Variants in CHAT observed in about 807,000 individuals in gnomAD.
The protein encoded by CHAT is acetyl CoA:choline O-acetyltransferase.
In CHAT, 61 loss-of-function variants were observed where a neutral mutation model predicts 76.9. The observed-to-expected ratio is 0.79, with a 90% CI of 0.65 to 0.98. The LOEUF is 0.98. Ranked by LOEUF, CHAT falls within the 50% of genes least tolerant of loss-of-function variation. The pLI, the probability that CHAT is intolerant of heterozygous loss-of-function variation, is 0.00. For missense variants in CHAT, 946 were observed against 986.9 expected (o/e 0.96, Z 0.56); for synonymous variants, 407 against 397.4 (o/e 1.02, Z -0.29).
chr10:49,615,740 G>A (rs1303927215), intron 1 of CHAT: 3 of 481,736 alleles, frequency 6.2e-6, no homozygotes, highest in Non-Finnish European at 1.1e-5. Flanking sequence ...CACTTCTACT[G>A]TACCTTCAAA....
chr10:49,618,684 C>A (rs539973961), intron 2 of CHAT, among the ~76,000 whole-genome samples: 1 of 152,178 alleles, frequency 6.6e-6, no homozygotes, highest in Non-Finnish European at 1.5e-5. Flanking sequence ...CACACAGAAG[C>A]CTTCTGTGGT....
upstream of CHAT, chr10:49,613,971 T>A: frequency 2.5e-6 from 2 of 796,912 alleles, no homozygotes; most frequent in Non-Finnish European, 4.0e-6. Context: ...GACCCAACCC[T>A]CTCCAGGATT....
At chr10:49,628,420 C>T (rs2377877) in intron 7 of CHAT, among the ~76,000 whole-genome samples, 122,890 of 152,162 alleles carry the variant, frequency 0.81, 51,919 homozygotes, top group Non-Finnish European at 0.94. Context: ...GGATGAGAAG[C>T]AAGACTTCTG....
At chr10:49,616,704 G>A (rs1838510490) in intron 2 of CHAT, 102 bp downstream of exon 2, 1 of 845,136 alleles carries the variant, frequency 1.2e-6, no homozygotes, top group Non-Finnish European at 2.0e-6. Flanking sequence ...CATTTGCCTG[G>A]CCCCAGCCCT....
intron 10 of CHAT, 36 bp from the exon 11 acceptor site, chr10:49,651,848 C>T (rs1032528000): frequency 1.2e-6 from 2 of 1,600,352 alleles, no homozygotes; most frequent in African/African-American, 2.7e-5. Context: ...TACTGTTTTG[C>T]ATGCAATAAA....
intron 7 of CHAT, among the ~76,000 whole-genome samples, chr10:49,637,212 G>T (rs1839324346): frequency 6.6e-6 from 1 of 151,410 alleles, no homozygotes. Flanking sequence ...AGGTTCTTCA[G>T]GTAAGAAATT....
chr10:49,620,076 T>C (rs1463960474), intron 3 of CHAT, among the ~76,000 whole-genome samples, 160 bp downstream of exon 3: 1 of 150,258 alleles, frequency 6.7e-6, no homozygotes, highest in Non-Finnish European at 1.5e-5. Flanking sequence ...GTGGCATGGA[T>C]TGGAGGACAG....
upstream of CHAT, chr10:49,613,913 C>A: frequency 1.8e-6 from 1 of 568,390 alleles, no homozygotes; most frequent in Middle Eastern, 4.8e-4. Flanking sequence ...GGGTTTGAGA[C>A]TGGCCTGGAT....
chr10:49,635,344 C>T (rs1158349210), intron 7 of CHAT, among the ~76,000 whole-genome samples: 4 of 152,256 alleles, frequency 2.6e-5, no homozygotes, highest in African/African-American at 9.6e-5. Context: ...CATCAAAGGA[C>T]ATCCGGGTTG....
At chr10:49,609,579 T>TA (rs1406192206), upstream of CHAT, among the ~76,000 whole-genome samples, 1 of 151,898 alleles carries the variant, frequency 6.6e-6, no homozygotes, top group Non-Finnish European at 1.5e-5. Flanking sequence ...GCGGCCAGGC[T>TA]AATATTCGCG....
chr10:49,640,529 C>A (rs759357324), intron 7 of CHAT, among the ~76,000 whole-genome samples: 6 of 151,490 alleles, frequency 4.0e-5, no homozygotes, highest in Non-Finnish European at 5.9e-5. Flanking sequence ...GCTCCCTACA[C>A]GGTCTCTATT....
At chr10:49,636,502 T>C (rs1401732507) in intron 7 of CHAT, among the ~76,000 whole-genome samples, 1 of 152,202 alleles carries the variant, frequency 6.6e-6, no homozygotes, top group African/African-American at 2.4e-5. Context: ...ACTGTATTTA[T>C]CTTCTTTTGG....
chr10:49,623,539 TG>T (rs1838804941), intron 5 of CHAT, among the ~76,000 whole-genome samples: 1 of 152,208 alleles, frequency 6.6e-6, no homozygotes, highest in African/African-American at 2.4e-5. Context: ...CTTAGACTAT[TG>T]GGCAAGACAG....
intron 2 of CHAT, among the ~76,000 whole-genome samples, chr10:49,618,770 C>T (rs1392990686): frequency 6.6e-6 from 1 of 152,170 alleles, no homozygotes; most frequent in Non-Finnish European, 1.5e-5. Flanking sequence ...AGACTCTAGC[C>T]ACACTTTGGG....
chr10:49,665,548 C>T lies in CHAT; in HGVS notation c.*502C>T, dbSNP rs1172549505. Among the ~76,000 whole-genome samples, 4 of 152,234 alleles carry T rather than the reference C, an allele frequency of 2.6e-5. No homozygotes were observed. Among genetic ancestry groups the T allele is most frequent in the South Asian group, 4.1e-4 (2 of 4,820 alleles). The stretch of plus-strand genomic sequence containing the variant: ...GTTTTGAGATTCAGAGCATTCTTAT[C>T]GTGGCATTCCCAGTGTCTCCACTGA... On this transcript the variant is annotated 3_prime_UTR_variant, in exon 15 of 15. Transcript: ENST00000337653.
At position 49,650,487 on chromosome 10, in the gene CHAT, T is replaced by G. The variant is rs147533662; in HGVS notation, c.1511+851T>G. On this transcript the variant is annotated intron_variant, in intron 10 of 14. Transcript: ENST00000337653. The stretch of plus-strand genomic sequence containing the variant: ...TTGAAGGATGGATAGGAGTTCATGG[T>G]GCAAGCAGATGGGGAAGAGGCAGAA... Among the ~76,000 whole-genome samples the G allele has an allele frequency of 5.8e-4, 88 of 152,192 alleles. 1 individual carries two copies. The East Asian group carries it at 0.015, about 27-fold the overall frequency.
At position 49,666,231 on chromosome 10, in the gene CHAT, C is replaced by CCCAGCCCCAGCCCCAGCT. The variant is rs1840336616; in HGVS notation, c.*1191_*1208dup. 6.6e-6 allele frequency among the ~76,000 whole-genome samples: 1 copy of CCCAGCCCCAGCCCCAGCT among 151,854 alleles called. No homozygotes were observed. Among genetic ancestry groups the CCCAGCCCCAGCCCCAGCT allele is most frequent in the African/African-American group, 2.4e-5 (1 of 41,304 alleles). On this transcript the variant is annotated 3_prime_UTR_variant, in exon 15 of 15. Coordinates refer to ENST00000337653, the MANE Select transcript of CHAT (RefSeq NM_020549.5). The stretch of plus-strand genomic sequence containing the variant: ...GGGCACAGCCTCCTCCAGAGTCAGC[C>CCCAGCCCCAGCCCCAGCT]CCAGCCCCAGCCCCAGCTCCAGCTC...
rs776977900 is a variant in CHAT, at chr10:49,662,759, C to G, written c.1954C>G (p.Arg652Gly). 1.9e-6 allele frequency: 3 copies of G among 1,614,196 alleles called. No homozygotes were observed. Among genetic ancestry groups the G allele is most frequent in the Admixed American group, 1.7e-5 (1 of 60,024 alleles). Reference sequence around the variant, plus strand: ...GGATGAAACCTACCTGATGAGCAACCGGTTTGTCCTCTCCACTAGCCAGGT... The same window carrying G: ...GGATGAAACCTACCTGATGAGCAACGGGTTTGTCCTCTCCACTAGCCAGGT... Reference protein sequence around the residue: ...FMDETYLMSNRFVLSTSQVPT... With the variant: ...FMDETYLMSNGFVLSTSQVPT... Residue 652 changes from arginine to glycine, a missense_variant, in exon 14 of 15, where the codon CGG becomes GGG. Physicochemically the swap from Arg to Gly is moderately radical, Grantham distance 125. This residue lies in a region of CHAT where 349 missense variants were observed against 393.9 expected (regional missense o/e 0.89). Coordinates refer to ENST00000337653, the MANE Select transcript of CHAT (RefSeq NM_020549.5).
chr10:49,620,804 A>G (rs1838679001), intron 4 of CHAT, among the ~76,000 whole-genome samples, 191 bp downstream of exon 4: 1 of 152,234 alleles, frequency 6.6e-6, no homozygotes. Flanking sequence ...TCGAGTGACA[A>G]TCACACAATT....
Sources: allele counts gnomAD v4.1 joint callset (sites outside exome capture counted in the v4.1 genomes callset), GRCh38; gene constraint gnomAD v4.1.1; regional missense constraint gnomAD v4.1.1; transcripts MANE v1.5; gene names NCBI Gene and HGNC (gene_info 2026-07-23, HGNC 2026-07-21).